The following MKLN1 variants were observed in gnomAD, a reference collection of about 807,000 sequenced individuals.
MKLN1 encodes muskelin.
Under a neutral mutation model 99.0 loss-of-function variants are expected in MKLN1, and 18 were observed. The ratio of observed to expected loss-of-function variants is 0.18; its 90% CI spans 0.13 to 0.27. The LOEUF (loss-of-function observed/expected upper bound fraction) is 0.27, where lower values mean the gene tolerates loss of function less well. MKLN1 is among the 10% of genes least tolerant of loss of function. MKLN1 has a pLI of 1.00. For missense variants in MKLN1, 621 were observed against 875.9 expected (o/e 0.71, Z 3.67); for synonymous variants, 288 against 293.2 (o/e 0.98, Z 0.18).
chr7:131,162,000 T>G (rs6977495), intron 2 of MKLN1, among the ~76,000 whole-genome samples: 78,471 of 126,616 alleles, frequency 0.62, 23,811 homozygotes, highest in East Asian at 0.98. Flanking sequence ...TATATATATA[T>G]GTAACAGAGT....
At chr7:131,411,254 A>G in intron 6 of MKLN1, 52 bp from the exon 7 acceptor site, 1 of 1,105,192 alleles carries the variant, frequency 9.0e-7, no homozygotes, top group Non-Finnish European at 1.3e-6. Context: ...TTCTATAATA[A>G]ATAATGTAAG....
At chr7:131,328,108 A>AGGG in intron 1 of MKLN1, 111 bp downstream of exon 1, 1 of 1,324,946 alleles carries the variant, frequency 7.5e-7, no homozygotes, top group Non-Finnish European at 1.0e-6. Flanking sequence ...GGGCCTGCTG[A>AGGG]GGGGGACGTG....
chr7:131,171,229 G>C (rs1218194236), intron 2 of MKLN1, among the ~76,000 whole-genome samples: 2 of 152,232 alleles, frequency 1.3e-5, no homozygotes, highest in African/African-American at 4.8e-5. Flanking sequence ...TTGAAGAGGA[G>C]AAAGCTAGCC....
At chr7:131,416,944 T>C (rs1795033597) in intron 8 of MKLN1, among the ~76,000 whole-genome samples, 1 of 131,538 alleles carries the variant, frequency 7.6e-6, no homozygotes, top group African/African-American at 2.9e-5. Flanking sequence ...ATCACACCAC[T>C]GCACACCTGC....
At chr7:131,446,770 A>C (rs1796029802) in intron 12 of MKLN1, among the ~76,000 whole-genome samples, 1 of 152,220 alleles carries the variant, frequency 6.6e-6, no homozygotes, top group Non-Finnish European at 1.5e-5. Context: ...TAAAACAAAC[A>C]AACAAAAAAA....
rs112510660 is a variant in MKLN1 at position 131,363,493 on chromosome 7, C to G, written c.99-11931C>G. Among the ~76,000 whole-genome samples, 477 of 152,112 alleles carry G rather than the reference C, an allele frequency of 3.1e-3. 1 individual carries two copies. Among genetic ancestry groups the G allele is most frequent in the Non-Finnish European group, 5.0e-3 (340 of 67,916 alleles). ...GAGAGTATTTGTTGGTAGGATACTTCTACAGTCCTCTTAGAGTGTAGAATC... is the reference window on the plus strand; with the variant it reads ...GAGAGTATTTGTTGGTAGGATACTTGTACAGTCCTCTTAGAGTGTAGAATC... On this transcript the variant is annotated intron_variant, in intron 1 of 17. Transcript: ENST00000352689.
At chr7:131,297,450 C>T (rs1264509027) in intron 3 of MKLN1, among the ~76,000 whole-genome samples, 3 of 151,624 alleles carry the variant, frequency 2.0e-5, no homozygotes, top group Admixed American at 6.6e-5. Context: ...CACACACAGA[C>T]AGTATTTGCA....
intron 1 of MKLN1, among the ~76,000 whole-genome samples, chr7:131,351,711 A>G (rs1014451233): frequency 2.6e-5 from 4 of 151,982 alleles, no homozygotes; most frequent in Non-Finnish European, 4.4e-5. Context: ...CAATCCTCCC[A>G]CATTGGCCTC....
At chr7:131,230,640 T>A (rs757938094) in intron 3 of MKLN1, among the ~76,000 whole-genome samples, 3 of 152,240 alleles carry the variant, frequency 2.0e-5, no homozygotes, top group Non-Finnish European at 4.4e-5. Context: ...CAAAACAACC[T>A]TAATCATAAA....
chr7:131,355,121 G>C (rs945990916), intron 1 of MKLN1, among the ~76,000 whole-genome samples: 3 of 151,918 alleles, frequency 2.0e-5, no homozygotes, highest in African/African-American at 4.8e-5. Context: ...TCCTGATTGT[G>C]TATTCATGTA....
At chr7:131,170,408 AT>A (rs887661646) in intron 2 of MKLN1, among the ~76,000 whole-genome samples, 1 of 152,190 alleles carries the variant, frequency 6.6e-6, no homozygotes, top group African/African-American at 2.4e-5. Flanking sequence ...AGAAAATAAC[AT>A]TTTTTGAAGG....
chr7:131,121,325 C>T (rs543976343), intron 1 of MKLN1, among the ~76,000 whole-genome samples: 1 of 152,234 alleles, frequency 6.6e-6, no homozygotes, highest in African/African-American at 2.4e-5. Context: ...GATACAGAGC[C>T]AAACCATGTC....
chr7:131,329,017 C>CT (rs1228211342), intron 1 of MKLN1, among the ~76,000 whole-genome samples: 1 of 152,196 alleles, frequency 6.6e-6, no homozygotes, highest in African/African-American at 2.4e-5. Context: ...AGTTGTCCCT[C>CT]TAACCATCTC....
chr7:131,253,789 A>G (rs1450074929), intron 3 of MKLN1, among the ~76,000 whole-genome samples: 1 of 152,220 alleles, frequency 6.6e-6, no homozygotes, highest in Non-Finnish European at 1.5e-5. Context: ...AGCTACAGAG[A>G]GTTCTTATAA....
intron 2 of MKLN1, among the ~76,000 whole-genome samples, chr7:131,202,146 C>CTTTTTTTTTTTTTTTTTTTTTTT (rs58800874): frequency 1.7e-5 from 1 of 60,276 alleles, no homozygotes; most frequent in Admixed American, 2.2e-4. Flanking sequence ...GCACTATTGA[C>CTTTTTTTTTTTTTTTTTTTTTTT]TTTTTTTTTT....
At chr7:131,391,349 C>T (rs1794193417) in intron 4 of MKLN1, among the ~76,000 whole-genome samples, 1 of 152,148 alleles carries the variant, frequency 6.6e-6, no homozygotes, top group African/African-American at 2.4e-5. Context: ...GCTTAAACAG[C>T]AAAATTTCTC....
intron 12 of MKLN1, among the ~76,000 whole-genome samples, chr7:131,453,308 C>T (rs1458023765): frequency 6.6e-6 from 1 of 152,034 alleles, no homozygotes; most frequent in Admixed American, 6.6e-5. Context: ...TACAATTTGC[C>T]AAAGTACAGA....
chr7:131,431,861 C>T (rs1795531556), intron 9 of MKLN1, among the ~76,000 whole-genome samples: 1 of 152,160 alleles, frequency 6.6e-6, no homozygotes, highest in Non-Finnish European at 1.5e-5. Context: ...AACTTTCTCG[C>T]CTGTGTCCTT....
chr7:131,287,262 G>GT (rs1798145921), intron 3 of MKLN1, among the ~76,000 whole-genome samples: 1 of 152,198 alleles, frequency 6.6e-6, no homozygotes, highest in African/African-American at 2.4e-5. Context: ...TGTGACTGCC[G>GT]TAACAAATTA....
Sources: allele counts gnomAD v4.1 joint callset (sites outside exome capture counted in the v4.1 genomes callset), GRCh38; gene constraint gnomAD v4.1.1; transcripts MANE v1.5; gene names NCBI Gene and HGNC (gene_info 2026-07-23, HGNC 2026-07-21).